Variants in GLT1D1 observed in about 807,000 individuals in gnomAD.
The protein encoded by GLT1D1 is glycosyltransferase 1 domain-containing protein 1.
Under a neutral mutation model 28.7 loss-of-function variants are expected in GLT1D1, and 21 were observed. The observed-to-expected ratio is 0.73, with a 90% CI of 0.52 to 1.05. The LOEUF (loss-of-function observed/expected upper bound fraction) is 1.05. Ranked by LOEUF, GLT1D1 falls within the 50% of genes least tolerant of loss-of-function variation. The probability of loss-of-function intolerance (pLI) is 0.00; values close to 1 mark genes in which losing one functional copy is unlikely to be tolerated. For synonymous variants in GLT1D1, 147 were observed against 124.8 expected (o/e 1.18, Z -1.19); for missense variants, 343 against 330.6 (o/e 1.04, Z -0.29).
At chr12:128,967,062 C>A (rs537240) in intron 7 of GLT1D1, among the ~76,000 whole-genome samples, 8,828 of 152,230 alleles carry the variant, frequency 0.058, 833 homozygotes, top group African/African-American at 0.2. Context: ...AGCTGTGAAT[C>A]TATACACTGT....
intron 7 of GLT1D1, among the ~76,000 whole-genome samples, chr12:128,964,920 A>G (rs899971732): frequency 1.2e-4 from 18 of 152,160 alleles, no homozygotes; most frequent in Non-Finnish European, 2.6e-4. Context: ...TGTGCAATGC[A>G]TTGGAAGAGT....
At position 128,941,569 on chromosome 12, in the gene GLT1D1, CTTT is replaced by C. The variant is rs550204231; in HGVS notation, c.376-3738_376-3736del. 1.1e-4 allele frequency among the ~76,000 whole-genome samples: 12 copies of C among 107,560 alleles called. No individual in the cohort carries two copies. In the South Asian group the frequency reaches 2.0e-3, roughly 18 times the overall value. The allele number at this position is 107,560 out of a possible 152,430, so 70.6% of individuals were successfully genotyped here. On this transcript the variant is annotated intron_variant, in intron 4 of 7. Transcript: ENST00000281703. ...GTCTCTTCTTTCTCTCTCTCTTTCT[CTTT>C]TTTTTTTTTTTTTTTTTTGAGACAG...
Position 128,919,396 on chromosome 12 carries a change from T to C in GLT1D1, c.375+20109T>C, listed in dbSNP as rs149653999. On this transcript the variant is annotated intron_variant, in intron 4 of 7. Coordinates refer to ENST00000281703, the MANE Select transcript of GLT1D1 (RefSeq NM_144669.3). ...CACTGCATATAAACAGTTGAGTGAT[T>C]GATTAGTCACCAGGGTGTGTAGTGT... Among the ~76,000 whole-genome samples, 711 of 152,314 alleles carry C rather than the reference T, an allele frequency of 4.7e-3. 9 individuals carry two copies. Among genetic ancestry groups the C allele is most frequent in the African/African-American group, 0.015 (639 of 41,556 alleles).
At chr12:128,917,612 G>A (rs888121275) in intron 4 of GLT1D1, among the ~76,000 whole-genome samples, 2 of 152,128 alleles carry the variant, frequency 1.3e-5, no homozygotes, top group African/African-American at 2.4e-5. Context: ...GACTGAAGAT[G>A]CAAAATCAAT....
intron 4 of GLT1D1, among the ~76,000 whole-genome samples, chr12:128,936,144 TAAATA>T (rs1874529891): frequency 6.9e-6 from 1 of 144,716 alleles, no homozygotes; most frequent in Non-Finnish European, 1.5e-5. Context: ...CTGTGAGTGT[TAAATA>T]AAATATCTTT....
chr12:128,884,157 A>G (rs915164010), intron 2 of GLT1D1, among the ~76,000 whole-genome samples: 4 of 152,310 alleles, frequency 2.6e-5, no homozygotes, highest in South Asian at 2.1e-4. Context: ...AGGACGGGGA[A>G]TCAACCTGTG....
chr12:128,865,809 G>A (rs995592646), intron 1 of GLT1D1, among the ~76,000 whole-genome samples: 1 of 151,878 alleles, frequency 6.6e-6, no homozygotes, highest in East Asian at 1.9e-4. Flanking sequence ...GTGACAGGGC[G>A]AGACTCTGCC....
intron 2 of GLT1D1, among the ~76,000 whole-genome samples, chr12:128,880,207 A>T (rs35548651): frequency 6.6e-6 from 1 of 152,166 alleles, no homozygotes; most frequent in African/African-American, 2.4e-5. Context: ...ACAGTTCTCA[A>T]TTTTACCATG....
At chr12:128,968,870 G>A (rs1272316540) in intron 7 of GLT1D1, among the ~76,000 whole-genome samples, 2 of 152,040 alleles carry the variant, frequency 1.3e-5, no homozygotes, top group East Asian at 3.9e-4. Context: ...CAGAGCCTGA[G>A]CTCGGGCAGC....
At chr12:128,870,309 C>A in intron 1 of GLT1D1, among the ~76,000 whole-genome samples, 1 of 152,114 alleles carries the variant, frequency 6.6e-6, no homozygotes, top group East Asian at 1.9e-4. Context: ...ACAGAAATGA[C>A]CAAACTCTAC....
intron 7 of GLT1D1, among the ~76,000 whole-genome samples, chr12:128,973,012 C>T (rs1879339121): frequency 6.6e-6 from 1 of 152,136 alleles, no homozygotes; most frequent in Admixed American, 6.5e-5. Context: ...ACCCTCCTAA[C>T]TGAAACTTCG....
intron 1 of GLT1D1, among the ~76,000 whole-genome samples, chr12:128,874,480 CTTTT>C (rs138457706): frequency 1.9e-5 from 2 of 106,776 alleles, no homozygotes. Context: ...CTGTGGCTGG[CTTTT>C]TTTTTTTTTT....
In GLT1D1 at chr12:128,947,346, G is replaced by A. The variant is rs1440695399; in HGVS notation, c.428G>A (p.Gly143Glu). ...CCTGCTTTGTGTTTCAGAGCCGCTG[G>A]GGTACGATTGATTGGAGAGATGCCT... The change falls in exon 6 of 8, where the codon GGG (glycine) becomes GAG (glutamate). Residue 143 changes from glycine (G) to glutamate (E), a missense_variant. By Grantham distance (98) the Gly-to-Glu change is moderately conservative (BLOSUM62 -2). Transcript: ENST00000281703. The A allele has an allele frequency of 6.2e-7, 1 of 1,613,884 alleles. No homozygotes were observed. The highest frequency in any genetic ancestry group is 2.2e-5 in the East Asian group (1 of 44,878).
intron 2 of GLT1D1, among the ~76,000 whole-genome samples, chr12:128,882,997 C>G (rs1957093278): frequency 6.6e-6 from 1 of 150,752 alleles, no homozygotes; most frequent in Non-Finnish European, 1.5e-5. Context: ...GGGATCTCGG[C>G]TCACCGCAAC....
intron 1 of GLT1D1, among the ~76,000 whole-genome samples, chr12:128,859,095 G>A (rs1161466210): frequency 1.3e-5 from 2 of 152,090 alleles, no homozygotes; most frequent in African/African-American, 4.8e-5. Flanking sequence ...CGACCTCCTT[G>A]GGCACATGTT....
At chr12:128,860,685 G>A (rs2135758105) in intron 1 of GLT1D1, among the ~76,000 whole-genome samples, 1 of 152,266 alleles carries the variant, frequency 6.6e-6, no homozygotes, top group Non-Finnish European at 1.5e-5. Context: ...TTCGGGCAGG[G>A]TGCTTGGAGA....
At chr12:128,862,393 C>T (rs1956404886) in intron 1 of GLT1D1, among the ~76,000 whole-genome samples, 1 of 150,724 alleles carries the variant, frequency 6.6e-6, no homozygotes. Flanking sequence ...CTGTGGCTCA[C>T]TCTTGTAATC....
At chr12:128,864,979 G>C (rs1316000665) in intron 1 of GLT1D1, among the ~76,000 whole-genome samples, 3 of 152,196 alleles carry the variant, frequency 2.0e-5, no homozygotes, top group Non-Finnish European at 2.9e-5. Context: ...GGCTGGAGGA[G>C]AGGGAAGGTG....
At chr12:128,944,406 C>G (rs1188290793) in intron 4 of GLT1D1, 1 of 1,252,770 alleles carries the variant, frequency 8.0e-7, no homozygotes, top group African/African-American at 1.5e-5. Flanking sequence ...TAGTCCAGGA[C>G]TGGCTTTGTT....
Sources: allele counts gnomAD v4.1 joint callset (sites outside exome capture counted in the v4.1 genomes callset), GRCh38; gene constraint gnomAD v4.1.1; transcripts MANE v1.5; gene names NCBI Gene and HGNC (gene_info 2026-07-23, HGNC 2026-07-21).